The following ADGRD1 variants were observed in gnomAD, a reference collection of about 807,000 sequenced individuals.
ADGRD1 encodes G-protein coupled receptor 133.
In ADGRD1, 77 loss-of-function variants were observed where a neutral mutation model predicts 113.4. The ratio of observed to expected loss-of-function variants is 0.68; its 90% CI spans 0.57 to 0.82. The LOEUF is 0.82. ADGRD1 is among the 40% of genes least tolerant of loss of function. The pLI is 0.00. For missense variants in ADGRD1, 1,036 were observed against 1,139.1 expected, an observed-to-expected ratio of 0.91 and a Z score of 1.30; for synonymous variants, 474 against 475.0, an observed-to-expected ratio of 1.00 and a Z score of 0.03.
rs1318280018 is a variant in ADGRD1 at position 130,954,794 on chromosome 12, T to TGCCTCACC, written c.103+135_103+142dup. On this transcript the variant is annotated intron_variant, in intron 2 of 24. Transcript: ENST00000261654. This position sits in a 1 kb window ranked among gnomAD's most constrained non-coding sequence, Gnocchi z 4.7. ...TTGGGCTCCTGGTCCCCGACCTCAC[T>TGCCTCACC]GCCTCACCACACACTGTGACCCTGG... 6.3e-6 allele frequency: 5 copies of TGCCTCACC among 796,412 alleles called. No individual in the cohort carries two copies. The highest frequency in any genetic ancestry group is 1.1e-5 in the Non-Finnish European group (5 of 473,320). The allele number at this position is 796,412 out of a possible 1,614,324, so 49.3% of individuals were successfully genotyped here. A position where few individuals can be genotyped will look rare whatever the true frequency, so the allele number is the denominator to read the frequency against.
intron 15 of ADGRD1, among the ~76,000 whole-genome samples, chr12:131,088,146 G>A (rs543885285): frequency 1.3e-5 from 2 of 152,300 alleles, no homozygotes; most frequent in African/African-American, 4.8e-5. Flanking sequence ...GGAGATGGGC[G>A]GACTGCACGG....
Position 131,047,111 on chromosome 12 carries a change from C to T in ADGRD1, c.1474-29690C>T, listed in dbSNP as rs571663389. 2.0e-5 allele frequency among the ~76,000 whole-genome samples: 3 copies of T among 152,232 alleles called. No individual in the cohort carries two copies. In the South Asian group the frequency reaches 6.2e-4, roughly 32 times the overall value. ...GCTCCCTCCCTGGTCACTGCTCCCT[C>T]TTTAGTCAGTGGCCTCCCTGGTCAG... is the stretch of plus-strand genomic sequence containing the variant. On this transcript the variant is annotated intron_variant, in intron 13 of 24. Coordinates refer to ENST00000261654, the MANE Select transcript of ADGRD1 (RefSeq NM_198827.5).
chr12:131,033,634 G>A (rs551794715), intron 13 of ADGRD1, among the ~76,000 whole-genome samples: 9 of 152,294 alleles, frequency 5.9e-5, no homozygotes, highest in South Asian at 2.1e-4. Context: ...CCTGGGTCCC[G>A]GTGGAGTGGA....
chr12:131,046,405 C>CCTCT (rs1347375421), intron 13 of ADGRD1, among the ~76,000 whole-genome samples: 1 of 130,980 alleles, frequency 7.6e-6, no homozygotes, highest in Non-Finnish European at 1.6e-5. Flanking sequence ...TGGTCAGGGT[C>CCTCT]CTCCCTGGTC....
At chr12:131,102,225 A>T (rs934622424) in intron 15 of ADGRD1, among the ~76,000 whole-genome samples, 2 of 152,228 alleles carry the variant, frequency 1.3e-5, no homozygotes, top group African/African-American at 2.4e-5. Context: ...AATGTGGCCT[A>T]GAAACTGAGT....
rs12368900 is a variant in ADGRD1 at position 131,040,229 on chromosome 12, G to C, written c.1473+25889G>C. ...ATTTGAGGTGTTTTGTCAACCAGAC[G>C]TGCAACTGGTGCGGAGAAGTCAGTG... On this transcript the variant is annotated intron_variant, in intron 13 of 24. Coordinates refer to ENST00000261654, the MANE Select transcript of ADGRD1 (RefSeq NM_198827.5). Among the ~76,000 whole-genome samples, 232 of 152,302 alleles carry C rather than the reference G, an allele frequency of 1.5e-3. 2 individuals carry two copies. The highest frequency in any genetic ancestry group is 5.3e-3 in the African/African-American group (221 of 41,564).
intron 12 of ADGRD1, among the ~76,000 whole-genome samples, chr12:131,012,637 T>TGGA (rs912077215): frequency 1.2e-4 from 19 of 152,224 alleles, no homozygotes; most frequent in African/African-American, 4.6e-4. Flanking sequence ...GACGTGCTCC[T>TGGA]GCTCCATGAG....
At chr12:130,985,864 A>C (rs1316394343) in intron 5 of ADGRD1, among the ~76,000 whole-genome samples, 1 of 151,984 alleles carries the variant, frequency 6.6e-6, no homozygotes, top group Non-Finnish European at 1.5e-5. Context: ...GATTCTTTTT[A>C]TTTTTTGGAA....
intron 13 of ADGRD1, among the ~76,000 whole-genome samples, chr12:131,040,397 A>G (rs575357661): frequency 6.6e-6 from 1 of 152,364 alleles, no homozygotes; most frequent in African/African-American, 2.4e-5. Context: ...AAGTAAATGT[A>G]TATTATTTCT....
chr12:131,071,170 A>G (rs12832510), intron 13 of ADGRD1, among the ~76,000 whole-genome samples: 1 of 110,688 alleles, frequency 9.0e-6, no homozygotes, highest in African/African-American at 3.7e-5. Context: ...GAAAGGAGGT[A>G]GAGCCATGTG....
intron 14 of ADGRD1, among the ~76,000 whole-genome samples, chr12:131,080,552 TAAAG>T (rs1357699465): frequency 6.6e-6 from 1 of 152,230 alleles, no homozygotes; most frequent in Non-Finnish European, 1.5e-5. Flanking sequence ...TTCTGTCAAT[TAAAG>T]AGAGAGGAGT....
chr12:130,963,212 T>G (rs768004399), intron 2 of ADGRD1, among the ~76,000 whole-genome samples: 36 of 148,346 alleles, frequency 2.4e-4, no homozygotes, highest in Non-Finnish European at 4.1e-4. Context: ...CCCAGCTACT[T>G]GGGAAGCTGA....
At position 131,004,417 on chromosome 12, in the gene ADGRD1, G is replaced by A. The variant is rs529338481; in HGVS notation, c.1255+121G>A. 540 of 776,262 alleles carry A rather than the reference G, an allele frequency of 7.0e-4. 1 individual carries two copies. The African/African-American group carries it at 8.2e-3, about 12-fold the overall frequency. 48.1% of individuals were successfully genotyped at this position (776,262 alleles called of 1,614,324 possible). A position where few individuals can be genotyped will look rare whatever the true frequency, so the allele number is the denominator to read the frequency against. ...GCTGCGGTGCTCCCCCGGGCCGCCT[G>A]CGGTGCTCCCCCGGACTGCCTGTCC... On this transcript the variant is annotated intron_variant, in intron 11 of 24. Coordinates refer to ENST00000261654, the MANE Select transcript of ADGRD1 (RefSeq NM_198827.5).
rs1482325456 is a variant in ADGRD1, at chr12:131,027,416, T to C, written c.1473+13076T>C. The C allele has an allele frequency of 6.6e-6, 1 of 152,212 alleles. No individual in the cohort carries two copies. The highest frequency in any genetic ancestry group is 2.4e-5 in the African/African-American group (1 of 41,458). 9.4% of individuals were successfully genotyped at this position (152,212 alleles called of 1,614,324 possible). On this transcript the variant is annotated intron_variant, in intron 13 of 24. Coordinates refer to ENST00000261654, the MANE Select transcript of ADGRD1 (RefSeq NM_198827.5). This position sits in a 1 kb window ranked among gnomAD's most constrained non-coding sequence, Gnocchi z 5.1. ...ATATTTCCGTGCCAGTAGCTCAGACTGTATCATCATTCTCACGGCTGCTTA... is the reference window on the plus strand; with the variant it reads ...ATATTTCCGTGCCAGTAGCTCAGACCGTATCATCATTCTCACGGCTGCTTA...
Position 131,003,348 on chromosome 12 carries a change from T to C in ADGRD1, c.1144+46T>C. 1 of 1,325,664 alleles carries C rather than the reference T, an allele frequency of 7.5e-7. No homozygotes were observed. Among genetic ancestry groups the C allele is most frequent in the South Asian group, 1.2e-5 (1 of 85,432 alleles). The allele number at this position is 1,325,664 out of a possible 1,614,324, so 82.1% of individuals were successfully genotyped here. On this transcript the variant is annotated intron_variant, in intron 10 of 24. Transcript: ENST00000261654. The surrounding 1 kb of genome is among the most constrained non-coding windows in gnomAD (Gnocchi z 4.8). ...TGAGCCACATGGCAGGGGCGGGGGC[T>C]GGAGGCTGCGTTTCACTGCCTGTCT...
At chr12:131,036,572 C>G (rs1337808460) in intron 13 of ADGRD1, among the ~76,000 whole-genome samples, 3 of 148,726 alleles carry the variant, frequency 2.0e-5, no homozygotes, top group Non-Finnish European at 4.5e-5. Flanking sequence ...TGCATGGGGC[C>G]TCACTCACTA....
chr12:130,997,067 C>T (rs1875566730), intron 8 of ADGRD1, among the ~76,000 whole-genome samples: 1 of 132,858 alleles, frequency 7.5e-6, no homozygotes. Flanking sequence ...GGGCTCCTCA[C>T]TTCCCAGTAG....
intron 20 of ADGRD1, among the ~76,000 whole-genome samples, chr12:131,123,498 G>T (rs1343670004): frequency 1.1e-4 from 17 of 152,056 alleles, no homozygotes; most frequent in Non-Finnish European, 8.8e-5. Flanking sequence ...TTGGAAGGGA[G>T]GCAAGAGCTG....
At chr12:131,135,832 G>T (rs1299939986) in intron 21 of ADGRD1, among the ~76,000 whole-genome samples, 3 of 152,212 alleles carry the variant, frequency 2.0e-5, no homozygotes, top group Non-Finnish European at 4.4e-5. Flanking sequence ...CCACCCACCA[G>T]CTGTAAGGGG....
Sources: gnomAD v4.1 joint callset for allele counts (sites outside exome capture counted in the v4.1 genomes callset) on GRCh38, gnomAD v4.1.1 for gene constraint, Gnocchi (gnomAD v3.1) non-coding constraint, MANE v1.5 for transcripts, NCBI Gene and HGNC (gene_info 2026-07-23, HGNC 2026-07-21) for gene names.